Variants in ELMOD3 observed in about 807,000 individuals in gnomAD.
ELMOD3 encodes ELMO domain-containing protein 3.
A neutral mutation model predicts 47.4 loss-of-function variants in ELMOD3; 36 were observed. The ratio of observed to expected loss-of-function variants is 0.76; its 90% CI spans 0.58 to 1.00. The LOEUF is 1.00. Ranked by LOEUF, ELMOD3 falls within the 50% of genes least tolerant of loss-of-function variation. The pLI, the probability that ELMOD3 is intolerant of heterozygous loss-of-function variation, is 0.00. For missense variants in ELMOD3, 404 were observed against 463.8 expected (o/e 0.87, Z 1.18); for synonymous variants, 149 against 183.5 (o/e 0.81, Z 1.52).
chr2:85,373,470 A>G lies in ELMOD3; in HGVS notation c.607+1908A>G, dbSNP rs76682126. Among the ~76,000 whole-genome samples, 1,215 of 152,230 alleles carry G rather than the reference A, an allele frequency of 8.0e-3. 20 individuals are homozygous for G. Among genetic ancestry groups the G allele is most frequent in the African/African-American group, 0.028 (1,161 of 41,532 alleles). ...TTTTTGAGGAGGGGTTCTCACGAAG[A>G]ACCAGAAAACCTGCTAGACAAATTG... is the stretch of plus-strand genomic sequence containing the variant. On this transcript the variant is annotated intron_variant, in intron 10 of 13. Coordinates refer to ENST00000409013, the MANE Select transcript of ELMOD3 (RefSeq NM_001135022.2).
intron 4 of ELMOD3, 143 bp downstream of exon 4, chr2:85,357,395 T>G: frequency 2.0e-6 from 1 of 499,994 alleles, no homozygotes; most frequent in Non-Finnish European, 3.5e-6. Context: ...GGAGCTTCTA[T>G]TCACCTCAGG....
intron 6 of ELMOD3, 130 bp downstream of exon 6, chr2:85,363,296 G>T: frequency 1.6e-6 from 1 of 622,958 alleles, no homozygotes. Flanking sequence ...ATCAGTCCTT[G>T]GGGAAAAATA....
intron 11 of ELMOD3, among the ~76,000 whole-genome samples, chr2:85,382,498 C>T (rs1053023900): frequency 2.7e-5 from 4 of 147,380 alleles, no homozygotes; most frequent in African/African-American, 7.6e-5. Flanking sequence ...GAGTTAAAGC[C>T]CTGTAACTCA....
rs1388869759 is a variant in ELMOD3, at chr2:85,362,187, G to A, written c.56G>A (p.Gly19Asp). ...GATTGACCCTTGTCTGTTTTACAGG[G>A]TGAAAGATTGTCTGCTGGATATTCT... ...HSKEELRDGQ[G>D]ERLSAGYSPS... Residue 19 changes from glycine to aspartate, a missense_variant and splice_region_variant, in exon 5 of 14, where the codon GGT (glycine) becomes GAT (aspartate). By Grantham distance (94) the Gly-to-Asp change is moderately conservative. Transcript: ENST00000409013. 5.7e-6 allele frequency: 9 copies of A among 1,578,058 alleles called. No homozygotes were observed. The highest frequency in any genetic ancestry group is 1.3e-5 in the African/African-American group (1 of 74,176).
intron 4 of ELMOD3, among the ~76,000 whole-genome samples, chr2:85,358,812 A>G (rs1573079327): frequency 1.3e-5 from 2 of 152,158 alleles, no homozygotes; most frequent in Non-Finnish European, 2.9e-5. Context: ...TGAAGAAACC[A>G]CCTTCCACCC....
At chr2:85,378,282 T>A (rs1685311130) in intron 11 of ELMOD3, among the ~76,000 whole-genome samples, 1 of 149,870 alleles carries the variant, frequency 6.7e-6, no homozygotes, top group Admixed American at 6.6e-5. Context: ...TCTACTTTAC[T>A]TTTTACAGTG....
At chr2:85,361,937 AAAAAAG>A (rs1484333309) in intron 4 of ELMOD3, among the ~76,000 whole-genome samples, 3 of 151,932 alleles carry the variant, frequency 2.0e-5, no homozygotes, top group Non-Finnish European at 2.9e-5. Flanking sequence ...TCTCAAAAAA[AAAAAAG>A]AAAAAGTGGA....
At chr2:85,362,430 A>C (rs987006421) in intron 5 of ELMOD3, among the ~76,000 whole-genome samples, 170 bp downstream of exon 5, 1 of 152,204 alleles carries the variant, frequency 6.6e-6, no homozygotes, top group Non-Finnish European at 1.5e-5. Context: ...ACAAACATAC[A>C]AAACAACTTC....
chr2:85,362,129 T>G (rs1332739680), intron 4 of ELMOD3, 57 bp from the exon 5 acceptor site: 5 of 1,062,946 alleles, frequency 4.7e-6, no homozygotes, highest in Non-Finnish European at 7.3e-6. Context: ...ACATTTAAAC[T>G]ATTATCTTTG....
At chr2:85,365,824 T>A (rs754655403) in intron 6 of ELMOD3, among the ~76,000 whole-genome samples, 1 of 151,992 alleles carries the variant, frequency 6.6e-6, no homozygotes, top group African/African-American at 2.4e-5. Flanking sequence ...TGGGGAGGGA[T>A]TGGTTAAGTT....
intron 11 of ELMOD3, among the ~76,000 whole-genome samples, chr2:85,385,794 T>G (rs1219257665): frequency 1.3e-5 from 2 of 151,980 alleles, no homozygotes; most frequent in African/African-American, 4.8e-5. Context: ...TTTTAATGGA[T>G]CCTACCAGCT....
At chr2:85,380,191 T>C (rs1377565614) in intron 11 of ELMOD3, among the ~76,000 whole-genome samples, 3 of 152,228 alleles carry the variant, frequency 2.0e-5, no homozygotes, top group African/African-American at 7.2e-5. Context: ...TACTCACAAA[T>C]AGTTTCCAAA....
intron 4 of ELMOD3, among the ~76,000 whole-genome samples, chr2:85,358,279 CAAAAAAAAAAAAA>C (rs1019363756): frequency 1.8e-5 from 1 of 55,764 alleles, no homozygotes; most frequent in Non-Finnish European, 4.0e-5. Flanking sequence ...ACTCTGTCTC[CAAAAAAAAAAAAA>C]AAAAAAATGA....
chr2:85,389,337 A>G (rs1686153834), intron 11 of ELMOD3, among the ~76,000 whole-genome samples: 1 of 152,208 alleles, frequency 6.6e-6, no homozygotes, highest in Non-Finnish European at 1.5e-5. Context: ...GGAGACTTTA[A>G]GAACCCGTAG....
In ELMOD3 at chr2:85,376,556, C is replaced by T. The variant is rs181356218; in HGVS notation, c.608-788C>T. ...CTTACCACTGGGAAAGATAAAGTCC[C>T]AGCTCCCTGCCCGGCCTTCTCTGAC... On this transcript the variant is annotated intron_variant, in intron 10 of 13. Coordinates refer to ENST00000409013, the MANE Select transcript of ELMOD3 (RefSeq NM_001135022.2). This position sits in a 1 kb window ranked among gnomAD's most constrained non-coding sequence, Gnocchi z 4.2. Among the ~76,000 whole-genome samples, 30 of 152,296 alleles carry T rather than the reference C, an allele frequency of 2.0e-4. No individual in the cohort carries two copies. The highest frequency in any genetic ancestry group is 7.2e-4 in the African/African-American group (30 of 41,564).
At chr2:85,390,421 G>T in intron 13 of ELMOD3, 156 bp downstream of exon 13, 1 of 1,614,128 alleles carries the variant, frequency 6.2e-7, no homozygotes. Context: ...CCACCCCCTG[G>T]AGTCTGCTAG....
chr2:85,367,842 TG>T (rs2104559696), intron 6 of ELMOD3, among the ~76,000 whole-genome samples: 1 of 152,302 alleles, frequency 6.6e-6, no homozygotes, highest in African/African-American at 2.4e-5. Flanking sequence ...CTGTAGAGTA[TG>T]GGTTTTATCT....
chr2:85,357,317 G>T (rs183936607), intron 4 of ELMOD3, 65 bp downstream of exon 4: 18 of 1,061,158 alleles, frequency 1.7e-5, no homozygotes, highest in East Asian at 1.5e-4. Flanking sequence ...AGTATAGTAA[G>T]AATATATTAA....
intron 7 of ELMOD3, 63 bp downstream of exon 7, chr2:85,368,817 A>G (rs1326048213): frequency 1.3e-6 from 2 of 1,534,300 alleles, no homozygotes; most frequent in Admixed American, 3.4e-5. Context: ...CCATCCACAC[A>G]TGTGGCAAAT....
Sources: gnomAD v4.1 joint callset for allele counts (sites outside exome capture counted in the v4.1 genomes callset) on GRCh38, gnomAD v4.1.1 for gene constraint, Gnocchi (gnomAD v3.1) non-coding constraint, MANE v1.5 for transcripts, NCBI Gene and HGNC (gene_info 2026-07-23, HGNC 2026-07-21) for gene names.